GPC6: variants seen among roughly 807,000 people sequenced by gnomAD.
GPC6 encodes the protein glypican 6.
In GPC6, 14 loss-of-function variants were observed where a neutral mutation model predicts 55.2. The observed-to-expected ratio is 0.25, with a 90% CI of 0.17 to 0.40. GPC6 has a LOEUF of 0.40. Ranked by LOEUF, GPC6 falls within the 10% of genes least tolerant of loss-of-function variation. The probability of loss-of-function intolerance (pLI) is 1.00; values close to 1 mark genes in which losing one functional copy is unlikely to be tolerated. For missense variants in GPC6, 641 were observed against 708.5 expected, an observed-to-expected ratio of 0.90 and a Z score of 1.08; for synonymous variants, 278 against 259.6, an observed-to-expected ratio of 1.07 and a Z score of -0.68.
intron 3 of GPC6, among the ~76,000 whole-genome samples, chr13:93,873,050 C>A (rs1384651690): frequency 2.0e-5 from 3 of 151,628 alleles, no homozygotes; most frequent in Admixed American, 6.6e-5. Flanking sequence ...AGAAAAAAAT[C>A]CAACCATTTG....
chr13:94,087,542 G>A (rs1885331473), intron 4 of GPC6, among the ~76,000 whole-genome samples: 1 of 152,204 alleles, frequency 6.6e-6, no homozygotes, highest in South Asian at 2.1e-4. Flanking sequence ...TTCAGGCACT[G>A]TTACCTCATC....
intron 1 of GPC6, among the ~76,000 whole-genome samples, chr13:93,544,918 A>G (rs1448742424): frequency 6.6e-6 from 1 of 152,164 alleles, no homozygotes; most frequent in East Asian, 1.9e-4. Context: ...TCCCGAGAAA[A>G]GCATACATAG....
intron 4 of GPC6, among the ~76,000 whole-genome samples, chr13:94,160,840 A>G (rs917330893): frequency 6.6e-6 from 1 of 152,194 alleles, no homozygotes; most frequent in African/African-American, 2.4e-5. Flanking sequence ...ACACTGATTC[A>G]AAGTTTTATT....
intron 2 of GPC6, among the ~76,000 whole-genome samples, chr13:93,773,048 G>A (rs1885353434): frequency 6.6e-6 from 1 of 152,050 alleles, no homozygotes; most frequent in Non-Finnish European, 1.5e-5. Flanking sequence ...GGTTATGACA[G>A]GACACTGCTT....
chr13:94,132,425 C>A (rs920666351), intron 4 of GPC6, among the ~76,000 whole-genome samples: 1 of 152,056 alleles, frequency 6.6e-6, no homozygotes, highest in African/African-American at 2.4e-5. Flanking sequence ...TTATTGGGAC[C>A]CTTCTGACCC....
chr13:93,517,716 G>T (rs983167378), intron 1 of GPC6, among the ~76,000 whole-genome samples: 3 of 151,870 alleles, frequency 2.0e-5, no homozygotes, highest in Non-Finnish European at 4.4e-5. Flanking sequence ...TATATTGTGG[G>T]TGTTAACCTA....
At chr13:93,248,298 T>G (rs1594051502) in intron 1 of GPC6, among the ~76,000 whole-genome samples, 3 of 152,264 alleles carry the variant, frequency 2.0e-5, no homozygotes, top group East Asian at 3.9e-4. Flanking sequence ...GTTTTAACCT[T>G]TCTAGCCATG....
chr13:93,645,951 G>A (rs1026412632), intron 2 of GPC6, among the ~76,000 whole-genome samples: 1 of 152,002 alleles, frequency 6.6e-6, no homozygotes, highest in African/African-American at 2.4e-5. Context: ...GATATACACA[G>A]TTACCAAAGA....
intron 4 of GPC6, among the ~76,000 whole-genome samples, chr13:94,271,186 T>A (rs1594116892): frequency 1.3e-5 from 2 of 150,774 alleles, no homozygotes; most frequent in Non-Finnish European, 1.5e-5. Context: ...AGAGACGGGG[T>A]TTCACCGTGT....
chr13:94,299,812 T>C (rs1419965940), intron 5 of GPC6, among the ~76,000 whole-genome samples: 1 of 152,174 alleles, frequency 6.6e-6, no homozygotes, highest in Non-Finnish European at 1.5e-5. Flanking sequence ...CAGCCATTTC[T>C]TGTGAAAATA....
intron 2 of GPC6, among the ~76,000 whole-genome samples, chr13:93,806,830 G>T (rs893339560): frequency 7.9e-5 from 12 of 152,074 alleles, no homozygotes; most frequent in Non-Finnish European, 1.6e-4. Context: ...GACTCTAATT[G>T]CTTCATAGAT....
At chr13:93,496,401 C>A (rs563021912) in intron 1 of GPC6, among the ~76,000 whole-genome samples, 3 of 152,216 alleles carry the variant, frequency 2.0e-5, no homozygotes, top group African/African-American at 7.2e-5. Context: ...CACTGGCCTG[C>A]GCCCACTGTC....
At chr13:94,101,950 A>T (rs547059496) in intron 4 of GPC6, among the ~76,000 whole-genome samples, 2 of 152,272 alleles carry the variant, frequency 1.3e-5, no homozygotes, top group Middle Eastern at 3.4e-3. Flanking sequence ...ACACTGATTT[A>T]AAAAAATGAG....
rs150245137 is a variant in GPC6 at position 93,694,247 on chromosome 13, A to G, written c.320-135907A>G. ...AATGTTTCTCTTTATGTGCATAGAC[A>G]GGGCCCTGAAATGCAACGTGAAGTG... On this transcript the variant is annotated intron_variant, in intron 2 of 8. Coordinates refer to ENST00000377047, the MANE Select transcript of GPC6 (RefSeq NM_005708.5). Among the ~76,000 whole-genome samples, 324 of 152,280 alleles carry G rather than the reference A, an allele frequency of 2.1e-3. 2 individuals are homozygous for G. Among genetic ancestry groups the G allele is most frequent in the African/African-American group, 7.3e-3 (304 of 41,586 alleles).
intron 2 of GPC6, among the ~76,000 whole-genome samples, chr13:93,625,990 G>A (rs549825715): frequency 1.4e-4 from 21 of 151,664 alleles, no homozygotes; most frequent in African/African-American, 5.1e-4. Flanking sequence ...TATAATGCTT[G>A]TTTAGAAAGC....
At position 94,218,081 on chromosome 13, in the gene GPC6, G is replaced by A. The variant is rs183544179; in HGVS notation, c.878-68268G>A. Among the ~76,000 whole-genome samples, 57 of 152,230 alleles carry A rather than the reference G, an allele frequency of 3.7e-4. No individual in the cohort carries two copies. In the East Asian group the frequency reaches 8.7e-3, roughly 23 times the overall value. On this transcript the variant is annotated intron_variant, in intron 4 of 8. Transcript: ENST00000377047. ...TCTGATTTGTATTCTATCAGAGAAC[G>A]TGATAGACACATAAAATGCTCTCAT...
At chr13:93,618,021 A>T (rs116880895) in intron 2 of GPC6, among the ~76,000 whole-genome samples, 5,410 of 152,122 alleles carry the variant, frequency 0.036, 138 homozygotes, top group Non-Finnish European at 0.055. Context: ...TCTAGGGAAA[A>T]AATAATGTAG....
chr13:93,644,439 C>T (rs866114679), intron 2 of GPC6, among the ~76,000 whole-genome samples: 2 of 151,952 alleles, frequency 1.3e-5, no homozygotes, highest in Non-Finnish European at 1.5e-5. Context: ...TAGAAACAAG[C>T]CCAACATCCA....
chr13:94,372,328 G>C (rs2139193658), intron 6 of GPC6, among the ~76,000 whole-genome samples: 1 of 152,314 alleles, frequency 6.6e-6, no homozygotes, highest in Non-Finnish European at 1.5e-5. Flanking sequence ...GGGAGTGCCA[G>C]ACAGTGGGCG....
Sources: gnomAD v4.1 joint callset for allele counts (sites outside exome capture counted in the v4.1 genomes callset) on GRCh38, gnomAD v4.1.1 for gene constraint, MANE v1.5 for transcripts, NCBI Gene and HGNC (gene_info 2026-07-23, HGNC 2026-07-21) for gene names.